Variants in CDK14 observed in about 807,000 individuals in gnomAD.
CDK14 encodes cyclin dependent kinase 14.
In CDK14, 34 loss-of-function variants were observed where a neutral mutation model predicts 60.7. The ratio of observed to expected loss-of-function variants is 0.56; its 90% CI spans 0.43 to 0.75. The LOEUF (loss-of-function observed/expected upper bound fraction) is 0.75, where lower values mean the gene tolerates loss of function less well. CDK14 is among the 30% of genes least tolerant of loss of function. The probability of loss-of-function intolerance (pLI) is 0.00; values close to 1 mark genes in which losing one functional copy is unlikely to be tolerated. For synonymous variants in CDK14, 197 were observed against 203.7 expected (o/e 0.97, Z 0.28); for missense variants, 482 against 564.1 (o/e 0.85, Z 1.47).
chr7:91,176,107 A>G (rs1288634098), intron 14 of CDK14, among the ~76,000 whole-genome samples: 70 of 151,036 alleles, frequency 4.6e-4, no homozygotes, highest in Non-Finnish European at 8.0e-4. Flanking sequence ...ATAACAAACT[A>G]TCTCTCAGAC....
rs1174139527 is a variant in CDK14 at position 90,709,338 on chromosome 7, T to G, written c.124-17229T>G. On this transcript the variant is annotated intron_variant, in intron 2 of 14. Transcript: ENST00000380050. ...GATTATTATTTAATGGGGTTGTCAC[T>G]CAGGACACTTACTGGCTTTCTCCAG... is the stretch of plus-strand genomic sequence containing the variant. 2.7e-6 allele frequency: 3 copies of G among 1,123,256 alleles called. No homozygotes were observed. In the East Asian group the frequency reaches 9.0e-5, roughly 34 times the overall value. 69.6% of individuals were successfully genotyped at this position (1,123,256 alleles called of 1,614,324 possible).
At chr7:91,037,538 T>A (rs137986653) in intron 10 of CDK14, among the ~76,000 whole-genome samples, 1 of 152,302 alleles carries the variant, frequency 6.6e-6, no homozygotes, top group Non-Finnish European at 1.5e-5. Flanking sequence ...TTTAACAACA[T>A]CTGAGCCACA....
chr7:90,734,318 T>G (rs1249786555), intron 3 of CDK14, among the ~76,000 whole-genome samples: 1 of 152,156 alleles, frequency 6.6e-6, no homozygotes, highest in African/African-American at 2.4e-5. Flanking sequence ...AGTATCTTTG[T>G]GGTGGTCTCT....
At chr7:91,148,644 C>A (rs571522683) in intron 14 of CDK14, among the ~76,000 whole-genome samples, 1 of 152,252 alleles carries the variant, frequency 6.6e-6, no homozygotes, top group South Asian at 2.1e-4. Flanking sequence ...GAGAGATAGA[C>A]AACAATCAGT....
chr7:91,080,831 A>G (rs1429355714), intron 12 of CDK14, among the ~76,000 whole-genome samples: 1 of 152,210 alleles, frequency 6.6e-6, no homozygotes, highest in African/African-American at 2.4e-5. Context: ...ACTGTAGCAT[A>G]GCAGCATTTC....
intron 2 of CDK14, among the ~76,000 whole-genome samples, chr7:90,615,123 T>A (rs1489070491): frequency 6.6e-6 from 1 of 151,802 alleles, no homozygotes; most frequent in Non-Finnish European, 1.5e-5. Context: ...GAGTAAGGAA[T>A]GTGTTGAAAA....
At chr7:90,709,661 T>C (rs779551739) in intron 2 of CDK14, 3 of 1,595,680 alleles carry the variant, frequency 1.9e-6, no homozygotes, top group Non-Finnish European at 2.6e-6. Flanking sequence ...GAGAAAATAA[T>C]TGAGCTGTTA....
chr7:90,683,536 C>T (rs1342399046), intron 2 of CDK14, among the ~76,000 whole-genome samples: 1 of 152,226 alleles, frequency 6.6e-6, no homozygotes, highest in African/African-American at 2.4e-5. Flanking sequence ...CACAGTGGCT[C>T]ACACCTGTAA....
At chr7:90,650,305 G>T (rs896799379) in intron 2 of CDK14, among the ~76,000 whole-genome samples, 1 of 151,626 alleles carries the variant, frequency 6.6e-6, no homozygotes, top group Non-Finnish European at 1.5e-5. Flanking sequence ...TGACGGGGTC[G>T]TTTGTTTTTT....
chr7:90,778,846 ACCTTCCTTCCTTCCTTCCTTCCTT>A (rs35971285), intron 4 of CDK14, among the ~76,000 whole-genome samples: 84 of 127,972 alleles, frequency 6.6e-4, no homozygotes, highest in Admixed American at 9.8e-4. Flanking sequence ...AAATTGACCG[ACCTTCCTTCCTTCCTTCCTTCCTT>A]CCTTCCTTCC....
chr7:90,877,021 T>C (rs745480361), intron 6 of CDK14, among the ~76,000 whole-genome samples: 1 of 152,212 alleles, frequency 6.6e-6, no homozygotes, highest in Non-Finnish European at 1.5e-5. Context: ...AAAATAATTA[T>C]GGCTGTCAAT....
At chr7:90,766,242 A>T (rs1804554868) in intron 4 of CDK14, among the ~76,000 whole-genome samples, 1 of 151,658 alleles carries the variant, frequency 6.6e-6, no homozygotes, top group Non-Finnish European at 1.5e-5. Flanking sequence ...TCTCTTTGTA[A>T]TTTAGAGTTA....
At chr7:91,120,452 T>A (rs2116385081) in intron 14 of CDK14, among the ~76,000 whole-genome samples, 1 of 152,302 alleles carries the variant, frequency 6.6e-6, no homozygotes, top group Non-Finnish European at 1.5e-5. Context: ...TATAACACAG[T>A]AGAAGCTTTT....
At chr7:91,022,622 G>A (rs138183334) in intron 10 of CDK14, among the ~76,000 whole-genome samples, 92 of 152,228 alleles carry the variant, frequency 6.0e-4, no homozygotes, top group Non-Finnish European at 9.3e-4. Flanking sequence ...AGGCAAACAC[G>A]TTACCATTGT....
At chr7:90,906,818 T>A (rs1180099873) in intron 7 of CDK14, among the ~76,000 whole-genome samples, 1 of 152,052 alleles carries the variant, frequency 6.6e-6, no homozygotes, top group East Asian at 1.9e-4. Flanking sequence ...TAAAACAATA[T>A]AATTTTGTAC....
chr7:90,982,120 G>C (rs1485177929), intron 9 of CDK14, among the ~76,000 whole-genome samples: 4 of 152,222 alleles, frequency 2.6e-5, no homozygotes, highest in Non-Finnish European at 5.9e-5. Flanking sequence ...TAACTTGCTA[G>C]GTGGGAACTG....
chr7:90,933,316 T>C (rs533512433), intron 8 of CDK14, among the ~76,000 whole-genome samples: 17 of 151,882 alleles, frequency 1.1e-4, no homozygotes, highest in East Asian at 7.8e-4. Context: ...ATGTAGTGCA[T>C]GTCAGCAGCT....
intron 14 of CDK14, among the ~76,000 whole-genome samples, chr7:91,147,797 G>A (rs1469531913): frequency 6.6e-6 from 1 of 152,002 alleles, no homozygotes; most frequent in Non-Finnish European, 1.5e-5. Context: ...GACCAACTCT[G>A]AAATTGTTCA....
At chr7:90,819,512 A>G (rs1243312958) in intron 5 of CDK14, among the ~76,000 whole-genome samples, 2 of 151,956 alleles carry the variant, frequency 1.3e-5, no homozygotes, top group Non-Finnish European at 2.9e-5. Flanking sequence ...TTTCATGGAA[A>G]GAAACATGTA....
Sources: gnomAD v4.1 joint callset for allele counts (sites outside exome capture counted in the v4.1 genomes callset) on GRCh38, gnomAD v4.1.1 for gene constraint, MANE v1.5 for transcripts, NCBI Gene and HGNC (gene_info 2026-07-23, HGNC 2026-07-21) for gene names.